CDCA5: variants seen among roughly 807,000 people sequenced by gnomAD.
CDCA5 encodes the protein sororin.
Under a neutral mutation model 25.7 loss-of-function variants are expected in CDCA5, and 14 were observed. The observed-to-expected ratio is 0.54, with a 90% CI of 0.36 to 0.85. The LOEUF is 0.85. Among genes scored for constraint, CDCA5 ranks in the 40% least tolerant of loss-of-function variants. The pLI, the probability that CDCA5 is intolerant of heterozygous loss-of-function variation, is 0.01. For missense variants in CDCA5, 307 were observed against 324.5 expected (o/e 0.95, Z 0.41); for synonymous variants, 127 against 128.7 (o/e 0.99, Z 0.09).
rs926296818 is a variant in CDCA5, at chr11:65,078,041, G to C, written c.*1066C>G. 1.0e-6 allele frequency: 1 copy of C among 985,314 alleles called. No homozygotes were observed. The highest frequency in any genetic ancestry group is 1.7e-5 in the African/African-American group (1 of 57,228). The allele number at this position is 985,314 out of a possible 1,614,324, so 61.0% of individuals were successfully genotyped here. On this transcript the variant is annotated 3_prime_UTR_variant, in exon 6 of 6. Transcript: ENST00000275517. Reference sequence around the variant, plus strand: ...AGAGATCATGAGATGCATCCAGGCAGTGTTCTCATGTGAGAGGATAGGGAG... The same window carrying C: ...AGAGATCATGAGATGCATCCAGGCACTGTTCTCATGTGAGAGGATAGGGAG...
intron 4 of CDCA5, among the ~76,000 whole-genome samples, chr11:65,067,326 G>C (rs1279146096): frequency 6.6e-6 from 1 of 152,212 alleles, no homozygotes; most frequent in Non-Finnish European, 1.5e-5. Flanking sequence ...GAATGGGAGA[G>C]CTGATCACTC....
chr11:65,063,110 C>T (rs532080868), downstream of CDCA5, among the ~76,000 whole-genome samples: 11 of 152,198 alleles, frequency 7.2e-5, no homozygotes, highest in Non-Finnish European at 1.5e-4. Context: ...AAGGTGGGCA[C>T]GAGACCCCTG....
downstream of CDCA5, chr11:65,066,198 T>G (rs1590783281): frequency 1.8e-5 from 6 of 326,308 alleles, no homozygotes; most frequent in South Asian, 4.5e-5. Context: ...GGAGTGGGGG[T>G]GATGTCAGAG....
chr11:65,066,579 TG>T lies in CDCA5; in HGVS notation c.535del (p.Gln179ArgfsTer?), dbSNP rs1947241871. On this transcript the variant is annotated frameshift_variant, in exon 6 of 7. Transcript: ENST00000525464. LOFTEE classifies it low-confidence loss of function (END_TRUNC). ...GAGCAGAGCCACCTCCGGCAGGGCC[TG>T]GCTTTCCTCCTGCAGGGCCTTCACT... 1 of 1,289,272 alleles carries T rather than the reference TG, an allele frequency of 7.8e-7. No individual in the cohort carries two copies. Among genetic ancestry groups the T allele is most frequent in the Admixed American group, 2.3e-5 (1 of 43,542 alleles). The allele number at this position is 1,289,272 out of a possible 1,614,324, so 79.9% of individuals were successfully genotyped here.
At chr11:65,062,245 C>T (rs990775926), downstream of CDCA5, among the ~76,000 whole-genome samples, 3 of 152,148 alleles carry the variant, frequency 2.0e-5, no homozygotes, top group African/African-American at 7.2e-5. Flanking sequence ...ACTGGCCTCT[C>T]TGATTGTATT....
chr11:65,065,843 G>A (rs1017206404), downstream of CDCA5, among the ~76,000 whole-genome samples: 5 of 152,046 alleles, frequency 3.3e-5, no homozygotes, highest in South Asian at 8.3e-4. Flanking sequence ...TATAGGATGC[G>A]GGCCCTTGGG....
intron 4 of CDCA5, chr11:65,066,962 C>CAGCCACCTGGTCCTAT (rs1302992939): frequency 8.1e-6 from 8 of 985,082 alleles, no homozygotes; most frequent in Non-Finnish European, 8.4e-6. Context: ...CCTCCTGCTT[C>CAGCCACCTGGTCCTAT]AGCCACCTGG....
rs370550690 is a variant in CDCA5, at chr11:65,079,706, G to A, written c.325C>T (p.Pro109Ser). The A allele has an allele frequency of 1.9e-5, 29 of 1,563,822 alleles. No individual in the cohort carries two copies. Among genetic ancestry groups the A allele is most frequent in the Non-Finnish European group, 2.5e-5 (29 of 1,154,636 alleles). ...KEDLFKTHSVPATPTSTPVPN... is the reference protein window; with the variant it reads ...KEDLFKTHSVSATPTSTPVPN... ...ACAGGAGTGCTGGTGGGGGTGGCAG[G>A]GACGCTGTGTGTCTTGAAAAGGTCC... Residue 109 changes from proline to serine, a missense_variant, in exon 5 of 6, where the codon CCT (proline) becomes TCT (serine). Pro to Ser is a moderately conservative substitution (Grantham distance 74). Transcript: ENST00000275517.
chr11:65,083,103 G>A, intron 4 of CDCA5: 2 of 535,720 alleles, frequency 3.7e-6, no homozygotes, highest in South Asian at 4.6e-5. Flanking sequence ...GATTAGAAAG[G>A]CAGTACGTGG....
intron 4 of CDCA5, among the ~76,000 whole-genome samples, chr11:65,082,857 G>C (rs189027157): frequency 4.1e-4 from 63 of 151,980 alleles, no homozygotes; most frequent in Admixed American, 1.7e-3. Flanking sequence ...ATAGCATCTA[G>C]TATTCCTTAT....
chr11:65,080,040 G>A (rs1244566619), intron 4 of CDCA5, among the ~76,000 whole-genome samples: 1 of 152,018 alleles, frequency 6.6e-6, no homozygotes, highest in Non-Finnish European at 1.5e-5. Context: ...ACAGGCGCCC[G>A]CCACCTCGCC....
At chr11:65,080,983 G>A (rs1165443107) in intron 4 of CDCA5, among the ~76,000 whole-genome samples, 1 of 152,222 alleles carries the variant, frequency 6.6e-6, no homozygotes, top group Non-Finnish European at 1.5e-5. Flanking sequence ...TGAAGGAGGT[G>A]TGGGAGTGAC....
downstream of CDCA5, among the ~76,000 whole-genome samples, chr11:65,075,417 TA>T (rs1251633824): frequency 4.0e-5 from 6 of 151,722 alleles, no homozygotes; most frequent in African/African-American, 1.5e-4. Flanking sequence ...AATAAAAAAT[TA>T]AGGAGGGGAG....
chr11:65,061,777 GAAA>G (rs781316054), downstream of CDCA5, among the ~76,000 whole-genome samples: 2 of 81,544 alleles, frequency 2.5e-5, no homozygotes, highest in African/African-American at 3.9e-5. Flanking sequence ...TCCGTCTCAA[GAAA>G]AAAAAAAAAA....
chr11:65,065,426 TACAGGCACGTGCCACC>T (rs1217225472), downstream of CDCA5, among the ~76,000 whole-genome samples: 3 of 152,128 alleles, frequency 2.0e-5, no homozygotes, highest in African/African-American at 7.2e-5. Context: ...TAGCTGGGAT[TACAGGCACGTGCCACC>T]ACACCTGGCT....
At chr11:65,073,744 T>G (rs1211795783), downstream of CDCA5, among the ~76,000 whole-genome samples, 1 of 152,142 alleles carries the variant, frequency 6.6e-6, no homozygotes, top group African/African-American at 2.4e-5. Flanking sequence ...GGGAGGATGC[T>G]GGGGAGTCAC....
At chr11:65,068,276 G>A (rs1167918382) in intron 2 of CDCA5, among the ~76,000 whole-genome samples, 1 of 152,198 alleles carries the variant, frequency 6.6e-6, no homozygotes, top group Non-Finnish European at 1.5e-5. Context: ...TAGGAGGTAT[G>A]AATGGGACCT....
chr11:65,067,764 T>C (rs1433355016), intron 3 of CDCA5: 3 of 1,280,076 alleles, frequency 2.3e-6, no homozygotes, highest in Non-Finnish European at 3.1e-6. Flanking sequence ...CTGGAGCAAG[T>C]GGGTAGTGAA....
downstream of CDCA5, among the ~76,000 whole-genome samples, chr11:65,063,788 T>C (rs934041374): frequency 6.6e-6 from 1 of 152,174 alleles, no homozygotes; most frequent in African/African-American, 2.4e-5. Flanking sequence ...GTAGCCTCCT[T>C]TGACTGGGAG....
Sources: gnomAD v4.1 joint callset for allele counts (sites outside exome capture counted in the v4.1 genomes callset) on GRCh38, gnomAD v4.1.1 for gene constraint, MANE v1.5 for transcripts, NCBI Gene and HGNC (gene_info 2026-07-23, HGNC 2026-07-21) for gene names.